EPHB4: variants seen among roughly 807,000 people sequenced by gnomAD.
EPHB4 encodes the protein EPH receptor B4.
In EPHB4, 50 loss-of-function variants were observed where a neutral mutation model predicts 110.6. The observed-to-expected ratio is 0.45, with a 90% CI of 0.36 to 0.57. The LOEUF (loss-of-function observed/expected upper bound fraction) is 0.57. EPHB4 is among the 20% of genes least tolerant of loss of function. EPHB4 has a pLI of 0.00. For synonymous variants in EPHB4, 592 were observed against 578.4 expected (o/e 1.02, Z -0.34); for missense variants, 1,128 against 1,382.1 (o/e 0.82, Z 2.91).
At chr7:100,812,033 G>A (rs888699471) in intron 12 of EPHB4, among the ~76,000 whole-genome samples, 4 of 151,970 alleles carry the variant, frequency 2.6e-5, no homozygotes, top group Non-Finnish European at 5.9e-5. Flanking sequence ...TTAGTCAAGC[G>A]TGGTGGCACA....
In EPHB4 at chr7:100,805,866, C is replaced by T. The variant is rs543592469; in HGVS notation, c.2485-172G>A. The T allele has an allele frequency of 4.6e-5, 26 of 559,804 alleles. 1 individual carries two copies. In the South Asian group the frequency reaches 1.1e-3, roughly 23 times the overall value. The allele number at this position is 559,804 out of a possible 1,614,324, so 34.7% of individuals were successfully genotyped here. A position where few individuals can be genotyped will look rare whatever the true frequency, so the allele number is the denominator to read the frequency against. ...GTTGAAGCTCTCTGTGGCTGAAGGC[C>T]CCAGCAGCTCTTGGGCTATGATACA... is the stretch of plus-strand genomic sequence containing the variant. On this transcript the variant is annotated intron_variant, in intron 14 of 16. Coordinates refer to ENST00000358173, the MANE Select transcript of EPHB4 (RefSeq NM_004444.5).
At position 100,822,273 on chromosome 7, in the gene EPHB4, C is replaced by A; in HGVS notation, c.806G>T (p.Arg269Leu). 6.4e-7 allele frequency: 1 copy of A among 1,558,844 alleles called. No individual in the cohort carries two copies. ...FEAAEGNTKC[R>L]ACAQGTFKPL... ...GCAGGGGAAGCTCCAGCTCTCACCTCGGCACTTGGTGTTCCCCTCAGCTGC... is the reference window on the plus strand; with the variant it reads ...GCAGGGGAAGCTCCAGCTCTCACCTAGGCACTTGGTGTTCCCCTCAGCTGC... Residue 269 changes from arginine (R) to leucine (L), a missense_variant and splice_region_variant, in exon 4 of 17, where the codon CGA becomes CTA. Arg to Leu is a moderately radical substitution (Grantham distance 102, BLOSUM62 -2). Around this residue, in one of 3 missense-constraint regions of EPHB4, gnomAD observed 728 missense variants for 828.6 expected, o/e 0.88. Transcript: ENST00000358173. The surrounding 1 kb of genome is among the most constrained non-coding windows in gnomAD (Gnocchi z 4.7).
intron 8 of EPHB4, 113 bp from the exon 9 acceptor site, chr7:100,814,134 G>A: frequency 2.6e-6 from 3 of 1,158,864 alleles, no homozygotes. Context: ...CAGTACAGGG[G>A]ACAGGTGGAG....
rs61735971 is a variant in EPHB4, at chr7:100,823,834, C to A, written c.221G>T (p.Arg74Leu). The A allele has an allele frequency of 6.2e-7, 1 of 1,613,146 alleles. No homozygotes were observed. The highest frequency in any genetic ancestry group is 8.5e-7 in the Non-Finnish European group (1 of 1,179,858). ...GCCCCGCCGTGGGACCCAACCTGTG[C>A]GAAGCCAGTGGGCCTGGCCCGGGGC... is the stretch of plus-strand genomic sequence containing the variant. ...QRAPGQAHWL[R>L]TGWVPRRGAV... Residue 74 changes from arginine (R) to leucine (L), a missense_variant, in exon 3 of 17, where the codon CGC (arginine) becomes CTC (leucine). By Grantham distance (102) the Arg-to-Leu change is moderately radical (BLOSUM62 -2). Transcript: ENST00000358173.
chr7:100,818,277 C>T (rs540317504), intron 7 of EPHB4, among the ~76,000 whole-genome samples: 70 of 152,300 alleles, frequency 4.6e-4, no homozygotes, highest in Non-Finnish European at 7.4e-4. Flanking sequence ...CTTGGTATTA[C>T]AGGCGTGAGC....
At chr7:100,817,814 G>A (rs113324125) in intron 7 of EPHB4, among the ~76,000 whole-genome samples, 1,502 of 146,510 alleles carry the variant, frequency 0.01, 13 homozygotes, top group African/African-American at 0.033. Flanking sequence ...ACAGGCATGA[G>A]CCACTGTGCC....
chr7:100,810,807 G>A (rs1230708724), intron 12 of EPHB4, among the ~76,000 whole-genome samples: 1 of 152,106 alleles, frequency 6.6e-6, no homozygotes, highest in Non-Finnish European at 1.5e-5. Context: ...ACTGGATCCT[G>A]GTTGGAATAA....
At chr7:100,826,161 C>G (rs1217031449) in intron 1 of EPHB4, among the ~76,000 whole-genome samples, 1 of 152,180 alleles carries the variant, frequency 6.6e-6, no homozygotes, top group African/African-American at 2.4e-5. Flanking sequence ...GCTCTTGGCT[C>G]CCCCTTTAGG....
chr7:100,805,877 T>C (rs558523699), intron 14 of EPHB4, 183 bp from the exon 15 acceptor site: 5 of 522,198 alleles, frequency 9.6e-6, no homozygotes, highest in Admixed American at 3.9e-5. Context: ...CCAGCAGCTC[T>C]TGGGCTATGA....
chr7:100,803,658 T>C (rs1812750413), intron 16 of EPHB4, 68 bp from the exon 17 acceptor site: 73 of 1,512,612 alleles, frequency 4.8e-5, no homozygotes, highest in Non-Finnish European at 6.2e-5. Flanking sequence ...TCTTGGCTCC[T>C]GAGACGGTCC....
intron 12 of EPHB4, among the ~76,000 whole-genome samples, chr7:100,810,764 T>C (rs2466165): frequency 0.046 from 7,055 of 151,802 alleles, 218 homozygotes; most frequent in Non-Finnish European, 0.07. Flanking sequence ...AAATAAAATA[T>C]ATATAATAAC....
intron 1 of EPHB4, 154 bp from the exon 2 acceptor site, chr7:100,824,427 G>A (rs1363332041): frequency 2.3e-5 from 17 of 736,730 alleles, no homozygotes; most frequent in African/African-American, 8.8e-5. Context: ...CTCTGCACCC[G>A]CCTGATTTCT....
Position 100,823,757 on chromosome 7 carries a change from G to C in EPHB4, c.298C>G (p.Leu100Val). ...LRFTMLECLS[L>V]PRAGRSCKET... ...TTGCAGGAGCGCCCAGCCCGAGGCA[G>C]GGACAGGCACTCGAGCATGGTGAAG... Residue 100 changes from leucine (L) to valine (V), a missense_variant, in exon 3 of 17, where the codon CTG (leucine) becomes GTG (valine). Coordinates refer to ENST00000358173, the MANE Select transcript of EPHB4 (RefSeq NM_004444.5). 2 of 1,613,630 alleles carry C rather than the reference G, an allele frequency of 1.2e-6. No individual in the cohort carries two copies. Among genetic ancestry groups the C allele is most frequent in the Non-Finnish European group, 1.7e-6 (2 of 1,179,970 alleles).
intron 4 of EPHB4, among the ~76,000 whole-genome samples, chr7:100,821,476 G>A (rs567163212): frequency 1.0e-4 from 15 of 149,474 alleles, no homozygotes; most frequent in South Asian, 2.2e-4. Flanking sequence ...AAAAATACAA[G>A]AAATTAGCCG....
chr7:100,806,815 C>A (rs1284538126), intron 13 of EPHB4, among the ~76,000 whole-genome samples: 1 of 152,118 alleles, frequency 6.6e-6, no homozygotes, highest in Non-Finnish European at 1.5e-5. Flanking sequence ...GGATTACAGG[C>A]GTGTACCACC....
Position 100,806,409 on chromosome 7 carries a change from G to T in EPHB4, c.2484+11C>A. 1 of 1,608,832 alleles carries T rather than the reference G, an allele frequency of 6.2e-7. No homozygotes were observed. The highest frequency in any genetic ancestry group is 1.1e-5 in the South Asian group (1 of 90,510). On this transcript the variant is annotated intron_variant, in intron 14 of 16. Transcript: ENST00000358173. The stretch of plus-strand genomic sequence containing the variant: ...CTCGAGGAAAGCTTGGTAGGACCAC[G>T]GGACACTTACGTCCTGATTGCTCAT...
rs112803997 is a variant in EPHB4, at chr7:100,803,476, C to T, written c.2949G>A (p.Pro983=). The T allele has an allele frequency of 1.9e-4, 306 of 1,575,378 alleles. 2 individuals are homozygous for T. In the East Asian group the frequency reaches 5.9e-3, roughly 30 times the overall value. ...KPGTPGGTGG[P]APQY ...TTCCTGCAGGTCAGTACTGCGGGGCCGGTCCTCCTGTCCCACCCGGGGTTC... is the reference window on the plus strand; with the variant it reads ...TTCCTGCAGGTCAGTACTGCGGGGCTGGTCCTCCTGTCCCACCCGGGGTTC... The change falls in exon 17 of 17, where the codon CCG becomes CCA. Residue 983 remains proline, a synonymous_variant. Coordinates refer to ENST00000358173, the MANE Select transcript of EPHB4 (RefSeq NM_004444.5).
chr7:100,806,183 C>G (rs1236569346), intron 14 of EPHB4: 2 of 358,946 alleles, frequency 5.6e-6, no homozygotes, highest in Non-Finnish European at 9.9e-6. Flanking sequence ...TGGTCTTGAA[C>G]TCCTAACCTT....
rs112443300 is a variant in EPHB4, at chr7:100,822,487, C to T, written c.592G>A (p.Ala198Thr). The T allele has an allele frequency of 1.5e-4, 238 of 1,612,898 alleles. 1 individual carries two copies. The highest frequency in any genetic ancestry group is 1.8e-4 in the Non-Finnish European group (211 of 1,179,530). Residue 198 changes from alanine (A) to threonine (T), a missense_variant, in exon 4 of 17, where the codon GCC becomes ACC. Physicochemically the swap from Ala to Thr is moderately conservative, Grantham distance 58. Coordinates refer to ENST00000358173, the MANE Select transcript of EPHB4 (RefSeq NM_004444.5). The surrounding 1 kb of genome is among the most constrained non-coding windows in gnomAD (Gnocchi z 4.7). ...LSLHLFYKKC[A>T]QLTVNLTRFP... ...CGAGTCAGGTTCACAGTCAGCTGGG[C>T]GCACTTTTTGTAGAAGAGGTGCAGG...
Sources: gnomAD v4.1 joint callset for allele counts (sites outside exome capture counted in the v4.1 genomes callset) on GRCh38, gnomAD v4.1.1 for gene constraint, gnomAD v4.1.1 regional missense constraint, Gnocchi (gnomAD v3.1) non-coding constraint, MANE v1.5 for transcripts, NCBI Gene and HGNC (gene_info 2026-07-23, HGNC 2026-07-21) for gene names.